Variants in KAZN observed in about 807,000 individuals in gnomAD.
KAZN encodes kazrin, periplakin interacting protein.
KAZN carries 40 observed loss-of-function variants against 87.4 expected under a neutral mutation model. The ratio of observed to expected loss-of-function variants is 0.46; its 90% CI spans 0.36 to 0.60. KAZN has a LOEUF of 0.60. KAZN is among the 20% of genes least tolerant of loss of function. The probability of loss-of-function intolerance (pLI) is 0.00; values close to 1 mark genes in which losing one functional copy is unlikely to be tolerated. For synonymous variants in KAZN, 466 were observed against 458.3 expected (o/e 1.02, Z -0.22); for missense variants, 898 against 1,073.9 (o/e 0.84, Z 2.29).
intron 2 of KAZN, among the ~76,000 whole-genome samples, chr1:14,377,535 T>G (rs1661014330): frequency 6.6e-6 from 1 of 152,234 alleles, no homozygotes; most frequent in African/African-American, 2.4e-5. Flanking sequence ...CCTCATACTC[T>G]ATTTTTCACA....
At chr1:14,476,862 C>T (rs917486612) in intron 2 of KAZN, among the ~76,000 whole-genome samples, 19 of 152,166 alleles carry the variant, frequency 1.2e-4, no homozygotes, top group African/African-American at 2.7e-4. Flanking sequence ...CTAGCCGTGG[C>T]GATACCTTTT....
chr1:14,635,551 C>T (rs904770672), intron 1 of KAZN, among the ~76,000 whole-genome samples: 2 of 152,172 alleles, frequency 1.3e-5, no homozygotes, highest in African/African-American at 2.4e-5. Context: ...AACGCGATTA[C>T]GATGACTGCT....
intron 2 of KAZN, among the ~76,000 whole-genome samples, chr1:14,586,685 G>T (rs1476716597): frequency 2.1e-5 from 3 of 145,664 alleles, no homozygotes; most frequent in African/African-American, 7.8e-5. Context: ...GCAGGCATGT[G>T]CTACCACACC....
intron 2 of KAZN, among the ~76,000 whole-genome samples, chr1:14,450,972 G>T (rs1667239568): frequency 6.6e-6 from 1 of 151,952 alleles, no homozygotes; most frequent in African/African-American, 2.4e-5. Context: ...ACAAGATCTG[G>T]CTGTGTAAAA....
At chr1:15,009,081 T>TC (rs1161606976) in intron 2 of KAZN, among the ~76,000 whole-genome samples, 1 of 152,136 alleles carries the variant, frequency 6.6e-6, no homozygotes, top group African/African-American at 2.4e-5. Context: ...GCAGCCCCCT[T>TC]CCCTCCAGCC....
At chr1:13,935,249 G>GTAATAATAATAATAA (rs1188168900) in intron 1 of KAZN, among the ~76,000 whole-genome samples, 1 of 25,152 alleles carries the variant, frequency 4.0e-5, no homozygotes, top group Non-Finnish European at 8.9e-5. Context: ...AATAGTAGTA[G>GTAATAATAATAATAA]TAGTAATAAT....
chr1:15,009,760 T>C (rs1669391438), intron 2 of KAZN, among the ~76,000 whole-genome samples: 1 of 152,160 alleles, frequency 6.6e-6, no homozygotes, highest in South Asian at 2.1e-4. Flanking sequence ...CAGAAGTGAA[T>C]AGAATAATGA....
intron 1 of KAZN, chr1:13,893,795 GA>G: frequency 6.5e-7 from 1 of 1,547,752 alleles, no homozygotes. Context: ...CAGAGAATGG[GA>G]AGTGGAGCGT....
intron 1 of KAZN, among the ~76,000 whole-genome samples, chr1:14,953,003 G>T (rs997777341): frequency 6.6e-6 from 1 of 151,758 alleles, no homozygotes; most frequent in Non-Finnish European, 1.5e-5. Context: ...GCTGGGAAGT[G>T]GGGGAGCCAA....
In KAZN at chr1:13,942,570, AAATGTATAT is replaced by A. The variant is rs1367581685; in HGVS notation, c.91+48816_91+48824del. On this transcript the variant is annotated intron_variant, in intron 1 of 16. Transcript: ENST00000636203. ...TCAAAAAAAAAAAAAAAAAAAAAAAAAATGTATATATATAATTCACCAACACCTCAAATT... is the reference window on the plus strand; with the variant it reads ...TCAAAAAAAAAAAAAAAAAAAAAAAAATATAATTCACCAACACCTCAAATT... 3.8e-4 allele frequency among the ~76,000 whole-genome samples: 42 copies of A among 111,088 alleles called. 2 individuals carry two copies. Among genetic ancestry groups the A allele is most frequent in the Middle Eastern group, 5.3e-3 (1 of 190 alleles). The allele number at this position is 111,088 out of a possible 152,430, so 72.9% of individuals were successfully genotyped here. A position where few individuals can be genotyped will look rare whatever the true frequency, so the allele number is the denominator to read the frequency against.
intron 1 of KAZN, among the ~76,000 whole-genome samples, chr1:14,005,747 T>G (rs1215150481): frequency 6.6e-6 from 1 of 152,158 alleles, no homozygotes; most frequent in Admixed American, 6.5e-5. Flanking sequence ...TGCTTTGAGC[T>G]TTAGGAAGGG....
intron 2 of KAZN, among the ~76,000 whole-genome samples, chr1:14,233,792 T>C (rs1648099596): frequency 6.6e-6 from 1 of 152,174 alleles, no homozygotes; most frequent in African/African-American, 2.4e-5. Context: ...AAAGAGGACA[T>C]AAATTAAAGA....
At chr1:15,067,404 A>C (rs1639293730) in intron 8 of KAZN, 2 of 985,488 alleles carry the variant, frequency 2.0e-6, no homozygotes, top group African/African-American at 3.5e-5. Context: ...TCACCAGCAA[A>C]GGAACTGTGT....
intron 1 of KAZN, chr1:14,945,892 C>G (rs1661713837): frequency 1.0e-6 from 1 of 985,350 alleles, no homozygotes; most frequent in South Asian, 4.7e-5. Flanking sequence ...CCTGTCGCCT[C>G]CATGGAGTCA....
chr1:14,046,637 C>T (rs1219075688), intron 1 of KAZN, among the ~76,000 whole-genome samples: 1 of 152,180 alleles, frequency 6.6e-6, no homozygotes, highest in African/African-American at 2.4e-5. Context: ...AGTCCCTGCA[C>T]TCTCATGACC....
chr1:14,723,896 G>C (rs1197534255), intron 1 of KAZN, among the ~76,000 whole-genome samples: 1 of 152,164 alleles, frequency 6.6e-6, no homozygotes, highest in African/African-American at 2.4e-5. Context: ...GTGATGAAAA[G>C]AGACAAAACC....
At chr1:14,984,089 G>A (rs531786099) in intron 2 of KAZN, among the ~76,000 whole-genome samples, 1 of 152,164 alleles carries the variant, frequency 6.6e-6, no homozygotes, top group East Asian at 1.9e-4. Context: ...AAATGTGGCT[G>A]GGCATAGTGA....
chr1:14,992,435 C>T (rs1667445607), intron 2 of KAZN, among the ~76,000 whole-genome samples: 1 of 152,164 alleles, frequency 6.6e-6, no homozygotes, highest in Non-Finnish European at 1.5e-5. Context: ...AAATAGGAAC[C>T]AGTCCTGGCC....
intron 2 of KAZN, among the ~76,000 whole-genome samples, chr1:14,321,320 C>T (rs146069463): frequency 3.3e-5 from 5 of 152,216 alleles, no homozygotes; most frequent in East Asian, 1.9e-4. Context: ...CGCGAATGGC[C>T]GAGCAAGGGG....
Sources: gnomAD v4.1 joint callset for allele counts (sites outside exome capture counted in the v4.1 genomes callset) on GRCh38, gnomAD v4.1.1 for gene constraint, MANE v1.5 for transcripts, NCBI Gene and HGNC (gene_info 2026-07-23, HGNC 2026-07-21) for gene names.